TBCB: variants seen among roughly 807,000 people sequenced by gnomAD.
TBCB encodes the protein tubulin folding cofactor B.
Under a neutral mutation model 29.2 loss-of-function variants are expected in TBCB, and 18 were observed. The observed-to-expected ratio is 0.62, with a 90% CI of 0.43 to 0.91. The LOEUF is 0.91. Ranked by LOEUF, TBCB falls within the 40% of genes least tolerant of loss-of-function variation. The pLI is 0.00. For missense variants in TBCB, 336 were observed against 337.6 expected, an observed-to-expected ratio of 1.00 and a Z score of 0.04; for synonymous variants, 172 against 137.8, an observed-to-expected ratio of 1.25 and a Z score of -1.74.
Position 36,121,735 on chromosome 19 carries a change from C to A in TBCB, c.547+17C>A. On this transcript the variant is annotated intron_variant, in intron 4 of 5. Coordinates refer to ENST00000221855, the MANE Select transcript of TBCB (RefSeq NM_001281.3). Reference sequence around the variant, plus strand: ...TGTATGTAGGTGCGTGGCTCGCGGGCCCGGTCCCGGGCTCCAGGGCTCCAA... The same window carrying A: ...TGTATGTAGGTGCGTGGCTCGCGGGACCGGTCCCGGGCTCCAGGGCTCCAA... 1.3e-6 allele frequency: 2 copies of A among 1,547,304 alleles called. No individual in the cohort carries two copies. The highest frequency in any genetic ancestry group is 2.0e-5 in the Admixed American group (1 of 50,458).
chr19:36,115,731 G>A (rs1402469107), intron 1 of TBCB, 57 bp downstream of exon 1: 8 of 1,375,314 alleles, frequency 5.8e-6, no homozygotes, highest in Non-Finnish European at 8.0e-6. Flanking sequence ...GGGGGTTCCC[G>A]GAAGGGGGAG....
At chr19:36,117,787 A>T (rs779545081) in intron 2 of TBCB, 1 of 151,028 alleles carries the variant, frequency 6.6e-6, no homozygotes, top group Non-Finnish European at 1.5e-5. Context: ...TTTTTTTGAG[A>T]CAGAGTCTTG....
In TBCB at chr19:36,125,690, G is replaced by T; in HGVS notation, c.643G>T (p.Glu215Ter). 1 of 1,579,772 alleles carries T rather than the reference G, an allele frequency of 6.3e-7. No homozygotes were observed. Among genetic ancestry groups the T allele is most frequent in the South Asian group, 1.2e-5 (1 of 85,234 alleles). Residue 215 changes from glutamate to a stop codon, truncating the protein, a stop_gained, in exon 6 of 6, where the codon GAA becomes TAA. Coordinates refer to ENST00000221855, the MANE Select transcript of TBCB (RefSeq NM_001281.3). LOFTEE classifies it high-confidence loss of function. ...CAGTGTGAATGGGAAACGCTACTTC[G>T]AATGCCAGGCCAAGTATGGCGCCTT... The part of the protein sequence containing the change: ...DGSVNGKRYF[E>*]CQAKYGAFVK...
chr19:36,115,999 C>A (rs766515350), intron 1 of TBCB, 42 bp from the exon 2 acceptor site: 8 of 1,597,586 alleles, frequency 5.0e-6, no homozygotes, highest in Non-Finnish European at 6.8e-6. Context: ...AGGGGCGGGG[C>A]CTCCGTGGCC....
chr19:36,118,697 A>T (rs1039766331), intron 2 of TBCB: 3 of 152,006 alleles, frequency 2.0e-5, no homozygotes, highest in African/African-American at 7.3e-5. Flanking sequence ...AAAAAAAAAA[A>T]AAAGGTTAAC....
chr19:36,115,632 C>A lies in TBCB; in HGVS notation c.72C>A (p.Ser24=). ...FISSSLNTFR[S]EKRYSRSLTI... Reference sequence around the variant, plus strand: ...GCAGCTCCCTCAACACCTTCCGCTCCGAGAAGCGATACAGCCGCAGCCTCA... The same window carrying A: ...GCAGCTCCCTCAACACCTTCCGCTCAGAGAAGCGATACAGCCGCAGCCTCA... The change falls in exon 1 of 6, where the codon TCC becomes TCA. Residue 24 remains serine, a synonymous_variant. Transcript: ENST00000221855. The A allele has an allele frequency of 6.2e-7, 1 of 1,606,878 alleles. No individual in the cohort carries two copies. Among genetic ancestry groups the A allele is most frequent in the Non-Finnish European group, 8.5e-7 (1 of 1,177,770 alleles).
upstream of TBCB, chr19:36,115,086 T>C (rs1384233103): frequency 3.4e-6 from 2 of 596,802 alleles, no homozygotes; most frequent in African/African-American, 3.7e-5. Flanking sequence ...CATCGCCGCC[T>C]CAGTTTACAG....
chr19:36,116,833 C>G (rs1339711119), intron 2 of TBCB: 1 of 152,228 alleles, frequency 6.6e-6, no homozygotes, highest in Non-Finnish European at 1.5e-5. Flanking sequence ...GTTGGCCAGG[C>G]TGGTCTGGAA....
chr19:36,120,714 T>C lies in TBCB; in HGVS notation c.263T>C (p.Ile88Thr), dbSNP rs954601005. 9 of 1,613,924 alleles carry C rather than the reference T, an allele frequency of 5.6e-6. No individual in the cohort carries two copies. The highest frequency in any genetic ancestry group is 5.3e-5 in the African/African-American group (4 of 74,926). Reference sequence around the variant, plus strand: ...GGAGCCCCTCCCCTCACACAGGTCATTGACCACAGTGGCGCCCGCCTTGGT... The same window carrying C: ...GGAGCCCCTCCCCTCACACAGGTCACTGACCACAGTGGCGCCCGCCTTGGT... The part of the protein sequence containing the change: ...PVDDGCRIHV[I>T]DHSGARLGEY... The change falls in exon 3 of 6, where the codon ATT (isoleucine) becomes ACT (threonine). Residue 88 changes from isoleucine (I) to threonine (T), a missense_variant. By Grantham distance (89) the Ile-to-Thr change is moderately conservative. Transcript: ENST00000221855.
At chr19:36,118,644 C>A (rs989422724) in intron 2 of TBCB, 28 of 148,148 alleles carry the variant, frequency 1.9e-4, no homozygotes, top group African/African-American at 7.0e-4. Flanking sequence ...CACACCACTG[C>A]ACTCCAGTTT....
At position 36,115,648 on chromosome 19, in the gene TBCB, C is replaced by T. The variant is rs776443765; in HGVS notation, c.88C>T (p.Arg30Cys). The change falls in exon 1 of 6, where the codon CGC becomes TGC. Residue 30 changes from arginine to cysteine, a missense_variant. Coordinates refer to ENST00000221855, the MANE Select transcript of TBCB (RefSeq NM_001281.3). ...NTFRSEKRYS[R>C]SLTIAEFKCK... ...CTTCCGCTCCGAGAAGCGATACAGC[C>T]GCAGCCTCACCATCGCTGAGTTCAA... 6 of 1,606,072 alleles carry T rather than the reference C, an allele frequency of 3.7e-6. 1 individual carries two copies. The highest frequency in any genetic ancestry group is 3.4e-5 in the Admixed American group (2 of 59,350).
Position 36,115,583 on chromosome 19 carries a change from C to T in TBCB, c.23C>T (p.Ala8Val), listed in dbSNP as rs1973934260. The T allele has an allele frequency of 3.7e-6, 6 of 1,609,602 alleles. No homozygotes were observed. The highest frequency in any genetic ancestry group is 5.1e-6 in the Non-Finnish European group (6 of 1,178,282). ...AAGATGGAGGTGACGGGGGTGTCGG[C>T]ACCCACGGTGACCGTTTTCATCAGC... Reference protein sequence around the residue: MEVTGVSAPTVTVFISSS... With the variant: MEVTGVSVPTVTVFISSS... Residue 8 changes from alanine (A) to valine (V), a missense_variant, in exon 1 of 6, where the codon GCA becomes GTA. Physicochemically the swap from Ala to Val is moderately conservative, Grantham distance 64. Coordinates refer to ENST00000221855, the MANE Select transcript of TBCB (RefSeq NM_001281.3).
At chr19:36,114,978 G>C, upstream of TBCB, 5 of 1,003,646 alleles carry the variant, frequency 5.0e-6, no homozygotes, top group Non-Finnish European at 7.5e-6. This position sits in a 1 kb window ranked among gnomAD's most constrained non-coding sequence, Gnocchi z 4.5. Context: ...CACACGTGCT[G>C]GCTCCCCGCC....
At chr19:36,115,448 G>A (rs1164863437), upstream of TBCB, 7 of 786,948 alleles carry the variant, frequency 8.9e-6, no homozygotes, top group East Asian at 1.7e-4. Context: ...GGATTGGTCA[G>A]GCACGGAGCA....
chr19:36,116,115 C>T lies in TBCB; in HGVS notation c.189C>T (p.Phe63=), dbSNP rs151215211. 3 of 1,614,186 alleles carry T rather than the reference C, an allele frequency of 1.9e-6. No individual in the cohort carries two copies. The highest frequency in any genetic ancestry group is 4.5e-5 in the East Asian group (2 of 44,882). ...ELELYGVDDK[F]YSKLDQEDAL... ...AGCTGTATGGAGTTGACGACAAGTT[C>T]TACAGCAAGCTGGATCAAGAGGATG... is the stretch of plus-strand genomic sequence containing the variant. Residue 63 remains phenylalanine, a synonymous_variant, in exon 2 of 6, where the codon TTC becomes TTT. Transcript: ENST00000221855.
In TBCB at chr19:36,121,630, G is replaced by T; in HGVS notation, c.459G>T (p.Lys153Asn). Residue 153 changes from lysine (K) to asparagine (N), a missense_variant, in exon 4 of 6, where the codon AAG (lysine) becomes AAT (asparagine). By Grantham distance (94) the Lys-to-Asn change is moderately conservative. Transcript: ENST00000221855. Reference protein sequence around the residue: ...AEAAQRLAEEKAQASSIPVGS... With the variant: ...AEAAQRLAEENAQASSIPVGS... ...CCGCCCAGCGCCTGGCCGAGGAGAA[G>T]GCCCAGGCCAGCTCCATCCCCGTGG... 6.4e-7 allele frequency: 1 copy of T among 1,558,608 alleles called. No homozygotes were observed. The highest frequency in any genetic ancestry group is 1.2e-5 in the South Asian group (1 of 84,584).
Position 36,125,800 on chromosome 19 carries a change from T to C in TBCB, c.*18T>C, listed in dbSNP as rs778138181. Reference sequence around the variant, plus strand: ...AGATATGACACCTAAGGAATTCCCCTGCTTCAGCTCCTAGCTCAGCCACTG... The same window carrying C: ...AGATATGACACCTAAGGAATTCCCCCGCTTCAGCTCCTAGCTCAGCCACTG... On this transcript the variant is annotated 3_prime_UTR_variant, in exon 6 of 6. Transcript: ENST00000221855. 12 of 1,486,626 alleles carry C rather than the reference T, an allele frequency of 8.1e-6. No homozygotes were observed. Among genetic ancestry groups the C allele is most frequent in the African/African-American group, 1.4e-5 (1 of 71,288 alleles). 92.1% of individuals were successfully genotyped at this position (1,486,626 alleles called of 1,614,324 possible). A position where few individuals can be genotyped will look rare whatever the true frequency, so the allele number is the denominator to read the frequency against.
chr19:36,122,371 G>A (rs1198346422), intron 4 of TBCB, among the ~76,000 whole-genome samples: 1 of 151,924 alleles, frequency 6.6e-6, no homozygotes, highest in Non-Finnish European at 1.5e-5. Context: ...CTTGAGCCCC[G>A]GAGTTGGAGG....
intron 4 of TBCB, chr19:36,121,992 C>G (rs79608574): frequency 7.5e-6 from 4 of 535,922 alleles, no homozygotes; most frequent in Admixed American, 7.0e-5. Context: ...CGCTTCGAAG[C>G]GTGGGGCAGT....
Sources: allele counts gnomAD v4.1 joint callset (sites outside exome capture counted in the v4.1 genomes callset), GRCh38; gene constraint gnomAD v4.1.1; non-coding constraint Gnocchi (gnomAD v3.1); transcripts MANE v1.5; gene names NCBI Gene and HGNC (gene_info 2026-07-23, HGNC 2026-07-21).